The following LRP1B variants were observed in gnomAD, a reference collection of about 807,000 sequenced individuals.
LRP1B encodes low-density lipoprotein receptor-related protein 1B.
LRP1B carries 217 observed loss-of-function variants against 556.6 expected under a neutral mutation model. The observed-to-expected ratio is 0.39, with a 90% CI of 0.35 to 0.44. The LOEUF is 0.44. LRP1B is among the 20% of genes least tolerant of loss of function. The pLI is 1.00. For synonymous variants in LRP1B, 2,047 were observed against 1,865.8 expected (o/e 1.10, Z -2.50); for missense variants, 5,053 against 5,620.8 (o/e 0.90, Z 3.23).
chr2:140,610,188 GTTGTTTGTGTTGT>G (rs932260295), intron 41 of LRP1B, among the ~76,000 whole-genome samples: 1 of 151,846 alleles, frequency 6.6e-6, no homozygotes, highest in Non-Finnish European at 1.5e-5. Context: ...AATTTTATGT[GTTGTTTGTGTTGT>G]TTTTGCCTGT....
intron 7 of LRP1B, among the ~76,000 whole-genome samples, chr2:141,144,337 C>T (rs1574121088): frequency 6.6e-6 from 1 of 152,038 alleles, no homozygotes; most frequent in African/African-American, 2.4e-5. Flanking sequence ...GAATTTGAAC[C>T]AAGTTAGTGT....
intron 31 of LRP1B, among the ~76,000 whole-genome samples, chr2:140,834,582 A>G (rs1449983382): frequency 6.6e-6 from 1 of 152,140 alleles, no homozygotes; most frequent in Non-Finnish European, 1.5e-5. Flanking sequence ...CCTCTCTTAG[A>G]TACTACTAAG....
At chr2:141,080,138 T>C (rs781307717) in intron 7 of LRP1B, among the ~76,000 whole-genome samples, 1 of 152,212 alleles carries the variant, frequency 6.6e-6, no homozygotes, top group Non-Finnish European at 1.5e-5. Flanking sequence ...AGCAAATAGA[T>C]TGGGCACATA....
intron 1 of LRP1B, among the ~76,000 whole-genome samples, chr2:142,117,095 G>A (rs1425101821): frequency 3.3e-5 from 5 of 151,994 alleles, no homozygotes; most frequent in African/African-American, 4.8e-5. Context: ...CTTCCCACAC[G>A]GAATATTTTC....
intron 1 of LRP1B, among the ~76,000 whole-genome samples, chr2:141,984,368 T>A (rs916794822): frequency 8.9e-5 from 6 of 67,742 alleles, no homozygotes; most frequent in Non-Finnish European, 1.7e-4. Flanking sequence ...CCAGGAAAAT[T>A]GATGAAAGGT....
chr2:140,635,235 G>A (rs1684030701), intron 41 of LRP1B, among the ~76,000 whole-genome samples: 1 of 152,010 alleles, frequency 6.6e-6, no homozygotes, highest in Non-Finnish European at 1.5e-5. Context: ...ATACCACATA[G>A]AGTTACTGTG....
intron 7 of LRP1B, among the ~76,000 whole-genome samples, chr2:141,067,908 A>G (rs1465927608): frequency 1.3e-5 from 2 of 152,006 alleles, no homozygotes; most frequent in African/African-American, 4.8e-5. Flanking sequence ...TAAAGGGGCT[A>G]TGAGAGACAA....
intron 1 of LRP1B, among the ~76,000 whole-genome samples, chr2:141,859,094 C>T (rs1354937877): frequency 6.6e-6 from 1 of 152,130 alleles, no homozygotes; most frequent in Non-Finnish European, 1.5e-5. Flanking sequence ...GTTTTCAACC[C>T]TCTCATAACC....
intron 2 of LRP1B, among the ~76,000 whole-genome samples, chr2:141,592,543 G>A (rs1209556726): frequency 2.0e-5 from 3 of 152,076 alleles, no homozygotes; most frequent in African/African-American, 7.2e-5. Context: ...ATATGAAGTT[G>A]GGGGACACAG....
intron 1 of LRP1B, among the ~76,000 whole-genome samples, chr2:142,048,924 T>C (rs1436151870): frequency 6.6e-6 from 1 of 152,084 alleles, no homozygotes; most frequent in African/African-American, 2.4e-5. Flanking sequence ...AAATGTTTAA[T>C]TTAACTGACT....
chr2:140,841,165 TTCTA>T (rs1692093088), intron 29 of LRP1B, 73 bp from the exon 30 acceptor site: 1 of 967,866 alleles, frequency 1.0e-6, no homozygotes, highest in African/African-American at 1.7e-5. Context: ...AGTAGTTATT[TTCTA>T]TCTAAGGGAA....
intron 66 of LRP1B, among the ~76,000 whole-genome samples, chr2:140,413,177 AAC>A (rs1213558426): frequency 1.3e-5 from 2 of 152,120 alleles, no homozygotes; most frequent in Non-Finnish European, 2.9e-5. Flanking sequence ...TACACACACA[AAC>A]ACACATACAC....
chr2:141,020,180 TAATA>T (rs1698025175), intron 11 of LRP1B, 78 bp from the exon 12 acceptor site: 1 of 896,840 alleles, frequency 1.1e-6, no homozygotes, highest in South Asian at 3.4e-5. Context: ...AATAGCTACC[TAATA>T]AAAACTTTAG....
chr2:140,253,405 T>C (rs562513470), intron 86 of LRP1B, among the ~76,000 whole-genome samples: 7 of 151,852 alleles, frequency 4.6e-5, no homozygotes, highest in Admixed American at 1.3e-4. Flanking sequence ...ATGAAAGAAA[T>C]AAAATTAATA....
intron 83 of LRP1B, among the ~76,000 whole-genome samples, chr2:140,308,916 C>T (rs1038116670): frequency 1.3e-5 from 2 of 151,672 alleles, no homozygotes; most frequent in African/African-American, 4.8e-5. Flanking sequence ...GACAAAGTAC[C>T]ACTGTGTCAT....
intron 21 of LRP1B, among the ~76,000 whole-genome samples, chr2:140,916,078 T>G (rs1252429354): frequency 6.6e-6 from 1 of 151,898 alleles, no homozygotes; most frequent in Non-Finnish European, 1.5e-5. Context: ...AGGAAAAATA[T>G]AGGAGGCTCA....
intron 43 of LRP1B, among the ~76,000 whole-genome samples, chr2:140,593,948 A>G (rs1419615080): frequency 6.6e-6 from 1 of 152,098 alleles, no homozygotes; most frequent in East Asian, 1.9e-4. Context: ...CATTTTTCAA[A>G]TCTCTACAAA....
chr2:141,499,667 A>G (rs1351301177), intron 2 of LRP1B, among the ~76,000 whole-genome samples: 1 of 152,118 alleles, frequency 6.6e-6, no homozygotes, highest in Non-Finnish European at 1.5e-5. Context: ...ATGAAGATTG[A>G]AAACATAGTT....
At chr2:141,655,382 C>G (rs1161302519) in intron 2 of LRP1B, among the ~76,000 whole-genome samples, 1 of 151,984 alleles carries the variant, frequency 6.6e-6, no homozygotes. Flanking sequence ...TAGAGCCCTC[C>G]CTGATGTTAT....
Sources: allele counts gnomAD v4.1 joint callset (sites outside exome capture counted in the v4.1 genomes callset), GRCh38; gene constraint gnomAD v4.1.1; transcripts MANE v1.5; gene names NCBI Gene and HGNC (gene_info 2026-07-23, HGNC 2026-07-21).